The following IKBKB variants were observed in gnomAD, a reference collection of about 807,000 sequenced individuals.
IKBKB encodes inhibitor of nuclear factor kappa B kinase subunit beta, also known as inhibitor of nuclear factor kappa-B kinase subunit beta.
Under a neutral mutation model 113.6 loss-of-function variants are expected in IKBKB, and 42 were observed. That is an observed-to-expected ratio of 0.37 (90% CI 0.29 to 0.48). IKBKB has a LOEUF of 0.48. Ranked by LOEUF, IKBKB falls within the 20% of genes least tolerant of loss-of-function variation. The pLI is 0.99. For missense variants in IKBKB, 673 were observed against 939.7 expected (o/e 0.72, Z 3.71); for synonymous variants, 296 against 361.3 (o/e 0.82, Z 2.05).
At chr8:42,309,792 A>G (rs2130573371) in intron 8 of IKBKB, 1 of 152,486 alleles carries the variant, frequency 6.6e-6, no homozygotes, top group East Asian at 1.9e-4. Flanking sequence ...ATAAGAATGT[A>G]GCTGAAATTG....
At chr8:42,310,700 TCAA>T (rs1817543263) in intron 8 of IKBKB, among the ~76,000 whole-genome samples, 1 of 152,240 alleles carries the variant, frequency 6.6e-6, no homozygotes, top group African/African-American at 2.4e-5. Context: ...AAAGCAGGAA[TCAA>T]CTGTCATCCC....
Position 42,320,540 on chromosome 8 carries a change from G to A in IKBKB, c.1579-195G>A, listed in dbSNP as rs560608509. Reference sequence around the variant, plus strand: ...GCTGGGGGTAAGTAACTTGCCAAGGGGTCACACAGCTAGAAAGCGGTGGAC... The same window carrying A: ...GCTGGGGGTAAGTAACTTGCCAAGGAGTCACACAGCTAGAAAGCGGTGGAC... On this transcript the variant is annotated intron_variant, in intron 15 of 21. Coordinates refer to ENST00000520810, the MANE Select transcript of IKBKB (RefSeq NM_001556.3). 12 of 524,106 alleles carry A rather than the reference G, an allele frequency of 2.3e-5. No individual in the cohort carries two copies. The East Asian group carries it at 3.9e-4, about 17-fold the overall frequency. The allele number at this position is 524,106 out of a possible 1,614,324, so 32.5% of individuals were successfully genotyped here.
In IKBKB at chr8:42,320,803, G is replaced by C; in HGVS notation, c.1647G>C (p.Arg549Ser). 6.2e-7 allele frequency: 1 copy of C among 1,608,446 alleles called. No individual in the cohort carries two copies. The highest frequency in any genetic ancestry group is 8.5e-7 in the Non-Finnish European group (1 of 1,177,208). ...AGACCGACATTGTGGACTTACAGAG[G>C]AGCCCCATGGGCCGGAAGCAGGGGG... ...ALQTDIVDLQ[R>S]SPMGRKQGGT... The change falls in exon 16 of 22, where the codon AGG becomes AGC. Residue 549 changes from arginine to serine, a missense_variant. Physicochemically the swap from Arg to Ser is moderately radical, Grantham distance 110. Around this residue, in one of 2 missense-constraint regions of IKBKB, gnomAD observed 506 missense variants for 638.7 expected, o/e 0.79. Coordinates refer to ENST00000520810, the MANE Select transcript of IKBKB (RefSeq NM_001556.3).
chr8:42,310,817 A>C (rs758042496), intron 8 of IKBKB, among the ~76,000 whole-genome samples: 5 of 152,198 alleles, frequency 3.3e-5, no homozygotes, highest in African/African-American at 4.8e-5. Flanking sequence ...ATCTTCATAC[A>C]ACGTGCCTTT....
intron 7 of IKBKB, among the ~76,000 whole-genome samples, chr8:42,308,441 G>T (rs1427687013): frequency 6.6e-6 from 1 of 151,916 alleles, no homozygotes; most frequent in Non-Finnish European, 1.5e-5. Context: ...GGGACTAAAG[G>T]TGCACACCAC....
chr8:42,283,015 T>C (rs1309857923), intron 2 of IKBKB, among the ~76,000 whole-genome samples: 1 of 152,166 alleles, frequency 6.6e-6, no homozygotes, highest in East Asian at 1.9e-4. Flanking sequence ...TGCCCAGTTA[T>C]TTCAAGACTT....
chr8:42,324,415 C>T (rs1215824628), intron 19 of IKBKB, among the ~76,000 whole-genome samples: 2 of 152,156 alleles, frequency 1.3e-5, no homozygotes, highest in Non-Finnish European at 2.9e-5. Context: ...TAGGCTCATG[C>T]CCCCACACCT....
chr8:42,310,300 G>C (rs1222820356), intron 8 of IKBKB, among the ~76,000 whole-genome samples: 1 of 152,146 alleles, frequency 6.6e-6, no homozygotes, highest in Admixed American at 6.5e-5. Context: ...GAATAAGGGA[G>C]TATGCAGTGA....
chr8:42,317,572 G>A, intron 11 of IKBKB, 85 bp from the exon 12 acceptor site: 11 of 893,792 alleles, frequency 1.2e-5, no homozygotes. Flanking sequence ...CTGAACAGTG[G>A]GGAAAGCTGT....
chr8:42,301,531 G>A (rs1266918499), intron 5 of IKBKB, among the ~76,000 whole-genome samples: 3 of 152,182 alleles, frequency 2.0e-5, no homozygotes, highest in Non-Finnish European at 4.4e-5. Context: ...AAGAGGACTT[G>A]CCTATCAGAA....
At chr8:42,271,915 C>T in intron 1 of IKBKB, 168 bp from the exon 2 acceptor site, 1 of 754,756 alleles carries the variant, frequency 1.3e-6, no homozygotes, top group Non-Finnish European at 2.1e-6. Context: ...AAGTTTGCCA[C>T]AAAGTTTGGA....
chr8:42,314,209 C>G (rs1224239907), intron 8 of IKBKB, 113 bp from the exon 9 acceptor site: 1 of 791,308 alleles, frequency 1.3e-6, no homozygotes, highest in Admixed American at 1.8e-5. Flanking sequence ...GCTAAACCAT[C>G]TAGGTTTGTG....
In IKBKB at chr8:42,272,667, TG is replaced by T. The variant is rs376189195; in HGVS notation, c.105+464del. ...TAAAAATTAGGCAGCCAGCTGGGCG[TG>T]GTGGCTTATACCTGTAATCTCAGCA... is the stretch of plus-strand genomic sequence containing the variant. On this transcript the variant is annotated intron_variant, in intron 2 of 21. Coordinates refer to ENST00000520810, the MANE Select transcript of IKBKB (RefSeq NM_001556.3). Among the ~76,000 whole-genome samples the T allele has an allele frequency of 1.8e-4, 27 of 152,094 alleles. No homozygotes were observed. The East Asian group carries it at 2.9e-3, about 16-fold the overall frequency.
chr8:42,328,186 A>G (rs1184801658), intron 20 of IKBKB, among the ~76,000 whole-genome samples: 1 of 148,904 alleles, frequency 6.7e-6, no homozygotes, highest in East Asian at 2.0e-4. Flanking sequence ...ACCTTGGGTG[A>G]TCCGCCCGCC....
intron 21 of IKBKB, chr8:42,330,047 A>T: frequency 1.0e-6 from 1 of 985,386 alleles, no homozygotes; most frequent in South Asian, 4.7e-5. Context: ...TAATGTTTTG[A>T]TCAGTTCATT....
rs146173263 is a variant in IKBKB, at chr8:42,319,294, C to A, written c.1389C>A (p.Ser463Arg). The A allele has an allele frequency of 6.2e-7, 1 of 1,614,002 alleles. No individual in the cohort carries two copies. The highest frequency in any genetic ancestry group is 1.7e-5 in the Admixed American group (1 of 59,998). ...AAMMNLLRNN[S>R]CLSKMKNSMA... ...GGATGAATCTCCTCCGAAACAACAG[C>A]TGCCTCTCCAAAATGAAGAATTCCA... The change falls in exon 14 of 22, where the codon AGC becomes AGA. Residue 463 changes from serine (S) to arginine (R), a missense_variant. By Grantham distance (110) the Ser-to-Arg change is moderately radical. This residue lies in a region of IKBKB where 506 missense variants were observed against 638.7 expected (regional missense o/e 0.79). Coordinates refer to ENST00000520810, the MANE Select transcript of IKBKB (RefSeq NM_001556.3).
At chr8:42,326,179 ATGTC>A (rs1242967813) in intron 20 of IKBKB, 82 bp downstream of exon 20, 1 of 1,520,888 alleles carries the variant, frequency 6.6e-7, no homozygotes, top group East Asian at 2.3e-5. Flanking sequence ...TCACTGGTAA[ATGTC>A]TGTCTGATGG....
chr8:42,284,040 C>T (rs970424975), intron 2 of IKBKB, among the ~76,000 whole-genome samples: 3 of 152,156 alleles, frequency 2.0e-5, no homozygotes, highest in South Asian at 2.1e-4. Context: ...CTGCAAACTC[C>T]GCCTAACTGG....
At chr8:42,272,375 G>T in intron 2 of IKBKB, 170 bp downstream of exon 2, 1 of 761,404 alleles carries the variant, frequency 1.3e-6, no homozygotes, top group Non-Finnish European at 2.2e-6. Flanking sequence ...CTGACTCCAG[G>T]TTAGTGGTCT....
Sources: gnomAD v4.1 joint callset for allele counts (sites outside exome capture counted in the v4.1 genomes callset) on GRCh38, gnomAD v4.1.1 for gene constraint, gnomAD v4.1.1 regional missense constraint, MANE v1.5 for transcripts, NCBI Gene and HGNC (gene_info 2026-07-23, HGNC 2026-07-21) for gene names.